The following ZNF721 variants were observed in gnomAD, a reference collection of about 807,000 sequenced individuals.
ZNF721 encodes zinc finger protein 721.
A neutral mutation model predicts 2.4 loss-of-function variants in ZNF721; 2 were observed. That is an observed-to-expected ratio of 0.82 (90% confidence interval 0.34 to 2.58). The LOEUF is 2.58. Among genes scored for constraint, ZNF721 ranks in the 30% most tolerant of loss-of-function variants. The pLI is 0.11. For missense variants in ZNF721, 1,187 were observed against 1,085.5 expected (o/e 1.09, Z -1.31); for synonymous variants, 398 against 381.8 (o/e 1.04, Z -0.50).
chr4:470,655 AGT>A (rs1349600519), intron 2 of ZNF721, among the ~76,000 whole-genome samples: 2 of 152,136 alleles, frequency 1.3e-5, no homozygotes, highest in Non-Finnish European at 2.9e-5. Context: ...CAGAGATTGC[AGT>A]GAGCCGAGAT....
intron 1 of ZNF721, among the ~76,000 whole-genome samples, chr4:495,173 C>T (rs1454453854): frequency 2.0e-5 from 3 of 151,966 alleles, no homozygotes; most frequent in African/African-American, 2.4e-5. Flanking sequence ...TAAGCCACCG[C>T]GCCCAGCCTA....
intron 1 of ZNF721, among the ~76,000 whole-genome samples, chr4:476,742 C>CT (rs1715632351): frequency 6.6e-6 from 1 of 152,218 alleles, no homozygotes; most frequent in Admixed American, 6.5e-5. Context: ...TGCTCCAACT[C>CT]TAAGTTACAG....
rs1000973216 is a variant in ZNF721, at chr4:460,738, T to C, written c.34+11837A>G. On this transcript the variant is annotated intron_variant, in intron 2 of 2. Transcript: ENST00000511833. Reference sequence around the variant, plus strand: ...AAGAAGAAAAGAGAGAAGAATCAAATAGACACAATGAAAAATGATAAAGGG... The same window carrying C: ...AAGAAGAAAAGAGAGAAGAATCAAACAGACACAATGAAAAATGATAAAGGG... Among the ~76,000 whole-genome samples the C allele has an allele frequency of 2.7e-5, 4 of 150,508 alleles. No individual in the cohort carries two copies. The East Asian group carries it at 7.8e-4, about 29-fold the overall frequency.
intron 2 of ZNF721, 79 bp from the exon 3 acceptor site, chr4:444,511 A>G: frequency 7.4e-7 from 1 of 1,349,994 alleles, no homozygotes; most frequent in Non-Finnish European, 1.0e-6. Context: ...AGATTATACA[A>G]AGTACGCTAG....
intron 1 of ZNF721, among the ~76,000 whole-genome samples, chr4:478,643 C>T (rs1715697997): frequency 1.3e-5 from 2 of 152,166 alleles, no homozygotes; most frequent in Admixed American, 6.5e-5. Context: ...ATGTAAGTAG[C>T]TTCCAACTTT....
intron 1 of ZNF721, among the ~76,000 whole-genome samples, chr4:489,164 T>C (rs1334574460): frequency 6.6e-6 from 1 of 152,194 alleles, no homozygotes; most frequent in Non-Finnish European, 1.5e-5. Flanking sequence ...TGGGTTTCCC[T>C]TGGGCACTCA....
intron 2 of ZNF721, among the ~76,000 whole-genome samples, chr4:449,885 A>G (rs1365121116): frequency 1.3e-5 from 2 of 152,240 alleles, no homozygotes; most frequent in Non-Finnish European, 1.5e-5. Context: ...GACTGTAATT[A>G]GAAAGACAAA....
chr4:441,445 T>G lies in ZNF721; in HGVS notation c.*250A>C, dbSNP rs1714231780. On this transcript the variant is annotated 3_prime_UTR_variant, in exon 3 of 3. Coordinates refer to ENST00000511833, the MANE Select transcript of ZNF721 (RefSeq NM_133474.4). The stretch of plus-strand genomic sequence containing the variant: ...AGAATTGGAAGTCTTTGCCACATTT[T>G]TAATTTTAATTTGGCTTCTCATCAA... 1 of 357,000 alleles carries G rather than the reference T, an allele frequency of 2.8e-6. No homozygotes were observed. Among genetic ancestry groups the G allele is most frequent in the African/African-American group, 2.1e-5 (1 of 47,946 alleles). 22.1% of individuals were successfully genotyped at this position (357,000 alleles called of 1,614,324 possible). A position where few individuals can be genotyped will look rare whatever the true frequency, so the allele number is the denominator to read the frequency against.
intron 1 of ZNF721, among the ~76,000 whole-genome samples, chr4:484,001 G>A (rs1420323678): frequency 1.3e-5 from 2 of 152,090 alleles, no homozygotes; most frequent in Non-Finnish European, 1.5e-5. Flanking sequence ...TAGTAGAGAC[G>A]GGGTTTCACC....
chr4:477,814 A>G (rs1206946080), intron 1 of ZNF721, among the ~76,000 whole-genome samples: 4 of 152,164 alleles, frequency 2.6e-5, no homozygotes, highest in African/African-American at 9.7e-5. Context: ...CACAATAAAT[A>G]TGGATTTGAC....
chr4:454,883 AGTT>A (rs1686641628), intron 2 of ZNF721, among the ~76,000 whole-genome samples: 1 of 152,200 alleles, frequency 6.6e-6, no homozygotes, highest in South Asian at 2.1e-4. Flanking sequence ...TGCAAAAACA[AGTT>A]GATCTTTTTG....
chr4:481,944 T>TA (rs1715782013), intron 1 of ZNF721, among the ~76,000 whole-genome samples: 2 of 152,232 alleles, frequency 1.3e-5, no homozygotes, highest in African/African-American at 4.8e-5. Flanking sequence ...AAACGTCATA[T>TA]AAAATGTTAC....
intron 2 of ZNF721, among the ~76,000 whole-genome samples, chr4:459,091 A>C (rs1714936937): frequency 6.6e-6 from 1 of 152,214 alleles, no homozygotes; most frequent in African/African-American, 2.4e-5. Context: ...AATCCTTTAC[A>C]AACAAGCAAA....
At chr4:464,176 T>TTGTTTGC (rs1443468558) in intron 2 of ZNF721, among the ~76,000 whole-genome samples, 1 of 152,166 alleles carries the variant, frequency 6.6e-6, no homozygotes, top group African/African-American at 2.4e-5. Flanking sequence ...CAGCAAACTT[T>TTGTTTGC]AAAGTCATTT....
At chr4:461,430 A>G (rs964450952) in intron 2 of ZNF721, among the ~76,000 whole-genome samples, 3 of 152,064 alleles carry the variant, frequency 2.0e-5, no homozygotes, top group Non-Finnish European at 2.9e-5. Flanking sequence ...CTCTCAATCA[A>G]CTAGGTACTG....
At chr4:460,350 G>A (rs540008998) in intron 2 of ZNF721, among the ~76,000 whole-genome samples, 2 of 152,036 alleles carry the variant, frequency 1.3e-5, no homozygotes, top group South Asian at 2.1e-4. Context: ...GGTAAATAAC[G>A]AAATTAAGGT....
At chr4:445,825 GA>G (rs1331259551) in intron 2 of ZNF721, among the ~76,000 whole-genome samples, 1 of 152,098 alleles carries the variant, frequency 6.6e-6, no homozygotes, top group Non-Finnish European at 1.5e-5. Flanking sequence ...AGCAAAGTTT[GA>G]AAAATCAAAC....
intron 2 of ZNF721, among the ~76,000 whole-genome samples, chr4:448,368 G>T (rs1045416424): frequency 6.6e-6 from 1 of 151,454 alleles, no homozygotes; most frequent in Non-Finnish European, 1.5e-5. Context: ...TCTGGGAGGC[G>T]GAGCTTGCAG....
At chr4:464,377 G>A (rs1576962454) in intron 2 of ZNF721, among the ~76,000 whole-genome samples, 1 of 150,642 alleles carries the variant, frequency 6.6e-6, no homozygotes. Flanking sequence ...GCTGAGGCAG[G>A]AGAATCGCTT....
Sources: gnomAD v4.1 joint callset for allele counts (sites outside exome capture counted in the v4.1 genomes callset) on GRCh38, gnomAD v4.1.1 for gene constraint, MANE v1.5 for transcripts, NCBI Gene and HGNC (gene_info 2026-07-23, HGNC 2026-07-21) for gene names.